Variants in RIMS2 observed in about 807,000 individuals in gnomAD.
The protein encoded by RIMS2 is regulating synaptic membrane exocytosis 2.
In RIMS2, 59 loss-of-function variants were observed where a neutral mutation model predicts 174.4. That is an observed-to-expected ratio of 0.34 (90% confidence interval 0.27 to 0.42). The LOEUF (loss-of-function observed/expected upper bound fraction) is 0.42, where lower values mean the gene tolerates loss of function less well. Ranked by LOEUF, RIMS2 falls within the 10% of genes least tolerant of loss-of-function variation. The pLI is 1.00. For synonymous variants in RIMS2, 606 were observed against 572.5 expected (o/e 1.06, Z -0.84); for missense variants, 1,620 against 1,666.3 (o/e 0.97, Z 0.48).
chr8:103,931,208 A>T lies in RIMS2; in HGVS notation c.2245-55A>T. ...TGGGGTGAAGATTGGAAAAGTAAAC[A>T]TTGTGTTTGTGTAGTAAATGTTTGA... is the stretch of plus-strand genomic sequence containing the variant. On this transcript the variant is annotated intron_variant, in intron 11 of 23. Transcript: ENST00000504942. The T allele has an allele frequency of 2.3e-6, 3 of 1,322,488 alleles. 1 individual carries two copies. The highest frequency in any genetic ancestry group is 3.2e-6 in the Non-Finnish European group (3 of 938,702). 81.9% of individuals were successfully genotyped at this position (1,322,488 alleles called of 1,614,324 possible). A position where few individuals can be genotyped will look rare whatever the true frequency, so the allele number is the denominator to read the frequency against.
chr8:104,077,406 G>A (rs899521070), intron 19 of RIMS2, among the ~76,000 whole-genome samples: 9 of 151,610 alleles, frequency 5.9e-5, no homozygotes, highest in African/African-American at 2.2e-4. Flanking sequence ...TTAAAAACAG[G>A]TGGGGAGAAA....
rs189010241 is a variant in RIMS2 at position 103,660,691 on chromosome 8, G to A, written c.177-36395G>A. Among the ~76,000 whole-genome samples the A allele has an allele frequency of 2.9e-4, 44 of 152,304 alleles. 1 individual carries two copies. The highest frequency in any genetic ancestry group is 1.0e-3 in the Admixed American group (16 of 15,296). On this transcript the variant is annotated intron_variant, in intron 1 of 23. Coordinates refer to ENST00000504942, the Ensembl canonical transcript of RIMS2. The stretch of plus-strand genomic sequence containing the variant: ...TAGATGTGTTTCCAGGTCTAACATA[G>A]ATAATCTTTAATCTGAATAATGTAA...
intron 19 of RIMS2, among the ~76,000 whole-genome samples, chr8:104,227,153 C>G (rs2099192848): frequency 6.7e-6 from 1 of 149,256 alleles, no homozygotes; most frequent in African/African-American, 2.5e-5. Context: ...TTCCCATAAA[C>G]AAAATAAATT....
chr8:103,620,922 A>G (rs2095619327), intron 1 of RIMS2, among the ~76,000 whole-genome samples: 1 of 152,212 alleles, frequency 6.6e-6, no homozygotes, highest in Admixed American at 6.5e-5. Context: ...GATAGAACAA[A>G]GATGTGGGAA....
chr8:103,906,403 G>A (rs1004116187), intron 4 of RIMS2, among the ~76,000 whole-genome samples: 1 of 151,922 alleles, frequency 6.6e-6, no homozygotes, highest in African/African-American at 2.4e-5. Flanking sequence ...ATGCCACCAT[G>A]CCCAGCTAGT....
At chr8:104,209,774 G>A (rs540769672) in intron 19 of RIMS2, among the ~76,000 whole-genome samples, 3 of 152,154 alleles carry the variant, frequency 2.0e-5, no homozygotes, top group Non-Finnish European at 4.4e-5. Context: ...CTTCTTGCAT[G>A]TATGTTTGAA....
chr8:104,173,778 G>A (rs371124002), intron 19 of RIMS2, among the ~76,000 whole-genome samples: 4 of 150,398 alleles, frequency 2.7e-5, no homozygotes, highest in South Asian at 2.1e-4. Context: ...ACAGGCACCC[G>A]CCACCATGCC....
At chr8:103,912,260 T>A in intron 6 of RIMS2, 88 bp downstream of exon 9, 1 of 905,024 alleles carries the variant, frequency 1.1e-6, no homozygotes, top group Non-Finnish European at 1.6e-6. Context: ...CCTGTACCAA[T>A]TTAGTAGTGT....
chr8:104,025,686 C>G (rs1465737236), intron 19 of RIMS2, among the ~76,000 whole-genome samples: 1 of 148,364 alleles, frequency 6.7e-6, no homozygotes, highest in Non-Finnish European at 1.5e-5. Flanking sequence ...TTATGATCAC[C>G]CTGAAGCAGT....
intron 2 of RIMS2, among the ~76,000 whole-genome samples, chr8:103,765,882 G>A (rs1294350550): frequency 1.3e-5 from 2 of 151,840 alleles, no homozygotes; most frequent in African/African-American, 2.4e-5. Context: ...TTTTGGAGTT[G>A]GTATTTAAAC....
intron 19 of RIMS2, among the ~76,000 whole-genome samples, chr8:104,055,765 C>CT (rs2096858101): frequency 1.3e-5 from 2 of 152,180 alleles, no homozygotes; most frequent in South Asian, 4.1e-4. Flanking sequence ...AAAGATCCTT[C>CT]TACATAAGAG....
At chr8:103,558,407 A>G (rs2090924841) in intron 1 of RIMS2, among the ~76,000 whole-genome samples, 1 of 152,092 alleles carries the variant, frequency 6.6e-6, no homozygotes, top group Non-Finnish European at 1.5e-5. Context: ...TATTTTTTGT[A>G]GAGATGGGGT....
chr8:103,614,178 T>A (rs1198185161), intron 1 of RIMS2, among the ~76,000 whole-genome samples: 1 of 152,262 alleles, frequency 6.6e-6, no homozygotes, highest in Non-Finnish European at 1.5e-5. Flanking sequence ...TACTTCTGCC[T>A]GTGGTAAGTC....
At chr8:104,034,292 A>G (rs77157137) in intron 19 of RIMS2, among the ~76,000 whole-genome samples, 3,099 of 152,256 alleles carry the variant, frequency 0.02, 54 homozygotes, top group Admixed American at 0.029. Context: ...AGACTATAGA[A>G]CCAAGGAGCT....
chr8:103,556,076 GAC>G (rs1415999416), intron 1 of RIMS2, among the ~76,000 whole-genome samples: 3 of 152,008 alleles, frequency 2.0e-5, no homozygotes, highest in African/African-American at 4.8e-5. Context: ...ATGGTGAAAA[GAC>G]ACAAAATTTC....
At chr8:103,985,044 G>T (rs1028601519) in intron 16 of RIMS2, among the ~76,000 whole-genome samples, 10 of 152,192 alleles carry the variant, frequency 6.6e-5, no homozygotes, top group Admixed American at 3.3e-4. Flanking sequence ...GCTGGGATGG[G>T]TCGCAGTGGG....
intron 3 of RIMS2, among the ~76,000 whole-genome samples, chr8:103,853,139 C>G (rs2099008599): frequency 6.6e-6 from 1 of 151,904 alleles, no homozygotes. Context: ...TAATAAGTAT[C>G]TCAATGTGGT....
At chr8:103,845,052 G>A (rs1219059315) in intron 3 of RIMS2, among the ~76,000 whole-genome samples, 1 of 151,862 alleles carries the variant, frequency 6.6e-6, no homozygotes, top group East Asian at 1.9e-4. Flanking sequence ...TTTCTGTCAA[G>A]TCTTTGTTTT....
At chr8:103,602,775 G>T (rs1212003298) in intron 1 of RIMS2, among the ~76,000 whole-genome samples, 1 of 152,138 alleles carries the variant, frequency 6.6e-6, no homozygotes, top group Non-Finnish European at 1.5e-5. Flanking sequence ...ACACAAGTAT[G>T]TCTCTCTATG....
Sources: gnomAD v4.1 joint callset for allele counts (sites outside exome capture counted in the v4.1 genomes callset) on GRCh38, gnomAD v4.1.1 for gene constraint, MANE v1.5 for transcripts, NCBI Gene and HGNC (gene_info 2026-07-23, HGNC 2026-07-21) for gene names.